CCDC141: variants seen among roughly 807,000 people sequenced by gnomAD.
The protein encoded by CCDC141 is coiled-coil domain-containing protein 141.
A neutral mutation model predicts 181.0 loss-of-function variants in CCDC141; 168 were observed. The ratio of observed to expected loss-of-function variants is 0.93; its 90% CI spans 0.82 to 1.05. CCDC141 has a LOEUF of 1.05. CCDC141 is among the 50% of genes least tolerant of loss of function. The pLI is 0.00. For missense variants in CCDC141, 1,902 were observed against 1,788.5 expected (o/e 1.06, Z -1.14); for synonymous variants, 666 against 642.3 (o/e 1.04, Z -0.56).
At chr2:178,982,793 C>T (rs10189151) in intron 2 of CCDC141, among the ~76,000 whole-genome samples, 15 of 152,288 alleles carry the variant, frequency 9.8e-5, no homozygotes, top group African/African-American at 2.6e-4. Context: ...GATTATATCC[C>T]GCACCTGGCT....
At chr2:178,934,897 A>G (rs983775057) in intron 6 of CCDC141, among the ~76,000 whole-genome samples, 1 of 152,150 alleles carries the variant, frequency 6.6e-6, no homozygotes, top group Admixed American at 6.6e-5. Context: ...AACATTTCCT[A>G]TTCTGTGCCT....
chr2:178,856,099 G>C (rs1402876507), intron 18 of CCDC141, among the ~76,000 whole-genome samples, 158 bp downstream of exon 18: 1 of 152,148 alleles, frequency 6.6e-6, no homozygotes, highest in Non-Finnish European at 1.5e-5. Flanking sequence ...TTACATGAAG[G>C]ATAAAATTGT....
chr2:178,906,013 G>T (rs1311811305), intron 7 of CCDC141, among the ~76,000 whole-genome samples: 1 of 152,158 alleles, frequency 6.6e-6, no homozygotes, highest in African/African-American at 2.4e-5. Flanking sequence ...TGCTTTTGCA[G>T]ATATAAGACC....
intron 2 of CCDC141, among the ~76,000 whole-genome samples, chr2:179,027,484 A>C (rs1290414722): frequency 6.6e-6 from 1 of 151,740 alleles, no homozygotes; most frequent in Non-Finnish European, 1.5e-5. Flanking sequence ...CTCTACTAAA[A>C]ATACAAAAAA....
chr2:179,006,407 A>T (rs999049902), intron 2 of CCDC141, among the ~76,000 whole-genome samples: 1 of 152,196 alleles, frequency 6.6e-6, no homozygotes, highest in Non-Finnish European at 1.5e-5. Flanking sequence ...TTTTCATATG[A>T]AAGTGTTCAG....
chr2:179,049,877 T>C lies in CCDC141; in HGVS notation c.65A>G (p.Gln22Arg). The C allele has an allele frequency of 1.3e-6, 2 of 1,550,846 alleles. No individual in the cohort carries two copies. The highest frequency in any genetic ancestry group is 1.7e-6 in the Non-Finnish European group (2 of 1,146,962). The change falls in exon 1 of 24, where the codon CAG (glutamine) becomes CGG (arginine). Residue 22 changes from glutamine to arginine, a missense_variant. Gln to Arg is a conservative substitution (Grantham distance 43). Transcript: ENST00000443758. ...STTTVSSVAV[Q>R]AGDSKIVIAV... ...TATAACGATTTTGGAGTCCCCAGCC[T>C]GCACAGCAACTGAACTGACTGTCGT...
chr2:178,826,550 G>T (rs907298289), downstream of CCDC141, among the ~76,000 whole-genome samples: 1 of 151,818 alleles, frequency 6.6e-6, no homozygotes, highest in African/African-American at 2.4e-5. Flanking sequence ...AAATCATCTG[G>T]GCCTTGTGTT....
At chr2:178,935,110 CA>C (rs1689233696) in intron 6 of CCDC141, among the ~76,000 whole-genome samples, 1 of 152,028 alleles carries the variant, frequency 6.6e-6, no homozygotes, top group Admixed American at 6.6e-5. Context: ...GATACTTTCA[CA>C]AACATTTTCT....
intron 14 of CCDC141, among the ~76,000 whole-genome samples, chr2:178,869,668 C>G (rs1686021321): frequency 6.6e-6 from 1 of 152,132 alleles, no homozygotes; most frequent in Non-Finnish European, 1.5e-5. Flanking sequence ...TTAATACAGA[C>G]TAGAATCAGG....
At position 179,048,171 on chromosome 2, in the gene CCDC141, C is replaced by T. The variant is rs761094458; in HGVS notation, c.103-765G>A. Among the ~76,000 whole-genome samples the T allele has an allele frequency of 8.7e-4, 133 of 152,216 alleles. 1 individual carries two copies. In the Middle Eastern group the frequency reaches 0.01, roughly 12 times the overall value. ...GCAAAATGAACCACTAACACGCATA[C>T]GCATGTAGATACCTGAATTACTAAA... On this transcript the variant is annotated intron_variant, in intron 1 of 23. Transcript: ENST00000443758.
chr2:178,928,303 G>A (rs2154375592), intron 6 of CCDC141, among the ~76,000 whole-genome samples: 1 of 152,204 alleles, frequency 6.6e-6, no homozygotes, highest in East Asian at 1.9e-4. Context: ...ATAGGCCTTT[G>A]GAGTAAAGAA....
intron 4 of CCDC141, among the ~76,000 whole-genome samples, chr2:178,970,592 G>A (rs556024287): frequency 2.0e-5 from 3 of 152,156 alleles, no homozygotes; most frequent in East Asian, 1.9e-4. Flanking sequence ...ACTGGACCCC[G>A]TCCTTACACC....
chr2:178,918,704 C>A lies in CCDC141; in HGVS notation c.1092+9G>T, dbSNP rs1186874194. On this transcript the variant is annotated intron_variant, in intron 7 of 23. Coordinates refer to ENST00000443758, the MANE Select transcript of CCDC141 (RefSeq NM_173648.4). ...TTACCGAAAATTATCAACTTGACCT[C>A]ACACTGACCTTGTTAGCACTGTTAA... 5.2e-6 allele frequency: 8 copies of A among 1,548,386 alleles called. No homozygotes were observed. In the Middle Eastern group the frequency reaches 6.7e-4, roughly 129 times the overall value.
Position 178,834,221 on chromosome 2 carries a change from A to C in CCDC141, c.4545T>G (p.Cys1515Trp), listed in dbSNP as rs1209407203. Reference sequence around the variant, plus strand: ...TTAGGGACACACTAACATAGACGACACACAGGGTTATCCAGTTTACTCTTG... The same window carrying C: ...TTAGGGACACACTAACATAGACGACCCACAGGGTTATCCAGTTTACTCTTG... ...PITRVNWITL[C>W]VVYVSVSLMY... The change falls in exon 24 of 24, where the codon TGT becomes TGG. Residue 1515 changes from cysteine to tryptophan, a missense_variant. By Grantham distance (215) the Cys-to-Trp change is radical. Coordinates refer to ENST00000443758, the MANE Select transcript of CCDC141 (RefSeq NM_173648.4). The C allele has an allele frequency of 6.5e-7, 1 of 1,536,198 alleles. No homozygotes were observed. Among genetic ancestry groups the C allele is most frequent in the African/African-American group, 1.4e-5 (1 of 73,040 alleles).
At position 178,992,610 on chromosome 2, in the gene CCDC141, CTG is replaced by C. The variant is rs372544382; in HGVS notation, c.226-13937_226-13936del. On this transcript the variant is annotated intron_variant, in intron 2 of 23. Transcript: ENST00000443758. ...TATGCAATTAGGTTAGACTAATAAA[CTG>C]TGAACAGTTTTGTGTGCCATTTCTG... Among the ~76,000 whole-genome samples the C allele has an allele frequency of 3.2e-3, 492 of 152,268 alleles. 2 individuals are homozygous for C. The highest frequency in any genetic ancestry group is 0.011 in the African/African-American group (470 of 41,570).
At chr2:178,998,021 A>T (rs941465359) in intron 2 of CCDC141, among the ~76,000 whole-genome samples, 1 of 152,216 alleles carries the variant, frequency 6.6e-6, no homozygotes, top group African/African-American at 2.4e-5. Context: ...ACAACTTCAT[A>T]TCTGAAAATG....
chr2:178,893,258 C>G (rs1338023137), intron 8 of CCDC141, among the ~76,000 whole-genome samples: 1 of 149,814 alleles, frequency 6.7e-6, no homozygotes, highest in Non-Finnish European at 1.5e-5. Flanking sequence ...GACGTATTGA[C>G]TTCTGGTTCA....
intron 2 of CCDC141, among the ~76,000 whole-genome samples, chr2:178,993,085 C>A (rs1254339717): frequency 2.0e-5 from 3 of 152,106 alleles, no homozygotes; most frequent in African/African-American, 4.8e-5. Context: ...TAATAAACTC[C>A]TTCAGCCTGG....
chr2:179,014,849 G>C (rs1232095327), intron 2 of CCDC141, among the ~76,000 whole-genome samples: 1 of 151,634 alleles, frequency 6.6e-6, no homozygotes, highest in Non-Finnish European at 1.5e-5. Context: ...CAACCACTAT[G>C]GAAAACAGTG....
Sources: gnomAD v4.1 joint callset for allele counts (sites outside exome capture counted in the v4.1 genomes callset) on GRCh38, gnomAD v4.1.1 for gene constraint, MANE v1.5 for transcripts, NCBI Gene and HGNC (gene_info 2026-07-23, HGNC 2026-07-21) for gene names.